The following KIAA1217 variants were observed in gnomAD, a reference collection of about 807,000 sequenced individuals.
The protein encoded by KIAA1217 is KIAA1217, also known as sickle tail protein homolog.
Under a neutral mutation model 163.9 loss-of-function variants are expected in KIAA1217, and 88 were observed. The observed-to-expected ratio is 0.54, with a 90% confidence interval of 0.45 to 0.64. KIAA1217 has a LOEUF of 0.64. Ranked by LOEUF, KIAA1217 falls within the 30% of genes least tolerant of loss-of-function variation. KIAA1217 has a pLI of 0.00. For synonymous variants in KIAA1217, 903 were observed against 923.1 expected, an observed-to-expected ratio of 0.98 and a Z score of 0.39; for missense variants, 2,372 against 2,475.0, an observed-to-expected ratio of 0.96 and a Z score of 0.88.
chr10:24,397,064 C>G (rs2055866847), intron 3 of KIAA1217, among the ~76,000 whole-genome samples: 1 of 150,904 alleles, frequency 6.6e-6, no homozygotes, highest in South Asian at 2.1e-4. Flanking sequence ...TTCTGCCATC[C>G]AGGAGTTTGT....
At chr10:24,077,842 G>A (rs1398535897) in intron 2 of KIAA1217, among the ~76,000 whole-genome samples, 1 of 152,116 alleles carries the variant, frequency 6.6e-6, no homozygotes, top group Non-Finnish European at 1.5e-5. Context: ...CCACAATGTG[G>A]CCAGCATCTC....
At chr10:24,265,486 G>T (rs2076148378) in intron 2 of KIAA1217, among the ~76,000 whole-genome samples, 2 of 151,966 alleles carry the variant, frequency 1.3e-5, no homozygotes, top group African/African-American at 4.8e-5. Flanking sequence ...TCTTAGCTTT[G>T]TCTCTATCCC....
chr10:24,271,702 G>A (rs2076786220), intron 2 of KIAA1217, among the ~76,000 whole-genome samples: 1 of 151,670 alleles, frequency 6.6e-6, no homozygotes, highest in Admixed American at 6.6e-5. Flanking sequence ...GCAGTGTGTC[G>A]AGATTGTGCC....
At chr10:23,808,698 C>T (rs1836852834) in intron 1 of KIAA1217, among the ~76,000 whole-genome samples, 1 of 151,848 alleles carries the variant, frequency 6.6e-6, no homozygotes, top group African/African-American at 2.4e-5. Context: ...ATTAAAAACA[C>T]CTCAACATAT....
At chr10:24,466,175 C>T (rs2062928652) in intron 5 of KIAA1217, among the ~76,000 whole-genome samples, 1 of 151,902 alleles carries the variant, frequency 6.6e-6, no homozygotes, top group Non-Finnish European at 1.5e-5. Flanking sequence ...GGGTGCTGGT[C>T]TAGGTTTTTG....
upstream of KIAA1217, among the ~76,000 whole-genome samples, chr10:24,206,533 A>T (rs148784573): frequency 8.3e-4 from 127 of 152,352 alleles, no homozygotes; most frequent in East Asian, 0.019. Context: ...GATATGGAAT[A>T]GTCGGTGCAA....
intron 2 of KIAA1217, among the ~76,000 whole-genome samples, chr10:24,058,467 T>G (rs2060605108): frequency 6.6e-6 from 1 of 152,190 alleles, no homozygotes; most frequent in Non-Finnish European, 1.5e-5. Context: ...GCATTGAATC[T>G]GTAGATTACT....
intron 1 of KIAA1217, among the ~76,000 whole-genome samples, chr10:23,848,204 C>T (rs1345061048): frequency 2.0e-5 from 3 of 151,878 alleles, no homozygotes; most frequent in Non-Finnish European, 2.9e-5. Flanking sequence ...TTGGGATGGA[C>T]GGTTCCATAG....
intron 2 of KIAA1217, among the ~76,000 whole-genome samples, chr10:24,095,533 G>A (rs1184309510): frequency 2.6e-5 from 4 of 152,058 alleles, no homozygotes; most frequent in African/African-American, 9.7e-5. Context: ...TCCTCCCACT[G>A]CATTGGCTTC....
chr10:24,430,401 G>T (rs927257809), intron 3 of KIAA1217, among the ~76,000 whole-genome samples: 1 of 152,168 alleles, frequency 6.6e-6, no homozygotes, highest in Non-Finnish European at 1.5e-5. Flanking sequence ...CTACATCAGT[G>T]GTCCCTAGCC....
At chr10:23,743,827 A>C (rs1371195964) in intron 1 of KIAA1217, among the ~76,000 whole-genome samples, 1 of 152,202 alleles carries the variant, frequency 6.6e-6, no homozygotes, top group Non-Finnish European at 1.5e-5. Flanking sequence ...TTTCCAAAAC[A>C]ACTTTCATTG....
At chr10:23,795,058 C>A (rs1373582804) in intron 1 of KIAA1217, among the ~76,000 whole-genome samples, 1 of 152,222 alleles carries the variant, frequency 6.6e-6, no homozygotes, top group Admixed American at 6.5e-5. Flanking sequence ...ACAGTTTCAG[C>A]CTGCCTCAGC....
Position 24,478,167 on chromosome 10 carries a change from C to T in KIAA1217, c.1679+4107C>T, listed in dbSNP as rs929286300. Among the ~76,000 whole-genome samples, 5 of 152,056 alleles carry T rather than the reference C, an allele frequency of 3.3e-5. No homozygotes were observed. The East Asian group carries it at 7.7e-4, about 23-fold the overall frequency. ...CTGAAGAGCACTTCAATATAGTAGC[C>T]CAAATAACTGTGGGATGTTAGAAAT... On this transcript the variant is annotated intron_variant, in intron 6 of 20. Coordinates refer to ENST00000376454, the MANE Select transcript of KIAA1217 (RefSeq NM_019590.5).
chr10:23,863,698 A>G (rs1840057792), intron 1 of KIAA1217, among the ~76,000 whole-genome samples: 1 of 152,204 alleles, frequency 6.6e-6, no homozygotes, highest in Non-Finnish European at 1.5e-5. Flanking sequence ...AAATGGACTT[A>G]GGTACTATCT....
intron 1 of KIAA1217, among the ~76,000 whole-genome samples, chr10:23,965,841 C>T (rs1845045299): frequency 6.6e-6 from 1 of 152,188 alleles, no homozygotes; most frequent in Non-Finnish European, 1.5e-5. Context: ...CACAGGGTCT[C>T]TGCAGAGTTT....
chr10:23,959,748 T>C (rs1844737702), intron 1 of KIAA1217, among the ~76,000 whole-genome samples: 1 of 151,986 alleles, frequency 6.6e-6, no homozygotes, highest in Non-Finnish European at 1.5e-5. Flanking sequence ...GTTAATTAAG[T>C]GGGTGATTAA....
At chr10:24,053,994 A>G (rs1437795059) in intron 2 of KIAA1217, among the ~76,000 whole-genome samples, 2 of 151,598 alleles carry the variant, frequency 1.3e-5, no homozygotes, top group African/African-American at 4.9e-5. Context: ...ATTTCAAGGG[A>G]AAAAAAAAGT....
At chr10:24,339,727 T>C (rs2046825829) in intron 2 of KIAA1217, among the ~76,000 whole-genome samples, 1 of 152,246 alleles carries the variant, frequency 6.6e-6, no homozygotes, top group Non-Finnish European at 1.5e-5. Context: ...AAGAAAGTTC[T>C]GGGCCAATGT....
At chr10:24,009,918 A>T (rs1263392905) in intron 2 of KIAA1217, among the ~76,000 whole-genome samples, 1 of 152,080 alleles carries the variant, frequency 6.6e-6, no homozygotes, top group Admixed American at 6.6e-5. Flanking sequence ...GTGTATCTGT[A>T]TGGGGGCTCT....
Sources: allele counts gnomAD v4.1 joint callset (sites outside exome capture counted in the v4.1 genomes callset), GRCh38; gene constraint gnomAD v4.1.1; transcripts MANE v1.5; gene names NCBI Gene and HGNC (gene_info 2026-07-23, HGNC 2026-07-21).